STAB2: variants seen among roughly 807,000 people sequenced by gnomAD.
The protein encoded by STAB2 is stabilin 2, also known as stabilin-2.
A neutral mutation model predicts 338.1 loss-of-function variants in STAB2; 288 were observed. The observed-to-expected ratio is 0.85, with a 90% CI of 0.77 to 0.94. The LOEUF is 0.94. Among genes scored for constraint, STAB2 ranks in the 40% least tolerant of loss-of-function variants. The pLI is 0.00. For synonymous variants in STAB2, 1,202 were observed against 1,193.3 expected (o/e 1.01, Z -0.15); for missense variants, 3,141 against 3,210.1 (o/e 0.98, Z 0.52).
intron 1 of STAB2, 72 bp downstream of exon 1, chr12:103,587,629 CT>C: frequency 7.8e-7 from 1 of 1,277,782 alleles, no homozygotes; most frequent in Non-Finnish European, 1.1e-6. Context: ...TCGTTTTCCT[CT>C]GTTGTTATGG....
chr12:103,643,883 C>T (rs1278210357), intron 9 of STAB2, among the ~76,000 whole-genome samples: 3 of 140,510 alleles, frequency 2.1e-5, no homozygotes, highest in Non-Finnish European at 4.7e-5. Context: ...GTGAGGGGCG[C>T]CTCTGCCCGG....
intron 52 of STAB2, among the ~76,000 whole-genome samples, chr12:103,736,650 A>G (rs979948251): frequency 4.6e-5 from 7 of 152,160 alleles, no homozygotes; most frequent in East Asian, 1.9e-4. Flanking sequence ...TGATCTGTAT[A>G]ACAACCCTAT....
rs149704240 is a variant in STAB2 at position 103,731,904 on chromosome 12, C to A, written c.5283+269C>A. ...GAGAGGGAAAGAAATTGGAATGTGG[C>A]AGTAGTGTACTAGGTGCTTCACATC... is the stretch of plus-strand genomic sequence containing the variant. On this transcript the variant is annotated intron_variant, in intron 50 of 68. Transcript: ENST00000388887. 2.6e-5 allele frequency among the ~76,000 whole-genome samples: 4 copies of A among 152,208 alleles called. No homozygotes were observed. In the East Asian group the frequency reaches 5.8e-4, roughly 22 times the overall value.
intron 12 of STAB2, among the ~76,000 whole-genome samples, chr12:103,653,324 G>A (rs1483520463): frequency 6.6e-6 from 1 of 152,164 alleles, no homozygotes; most frequent in Admixed American, 6.5e-5. Flanking sequence ...TTGAGTGCTT[G>A]TTCTAAGCAA....
chr12:103,600,281 A>G (rs374202461), intron 3 of STAB2, among the ~76,000 whole-genome samples: 4 of 152,136 alleles, frequency 2.6e-5, no homozygotes, highest in African/African-American at 4.8e-5. Flanking sequence ...CTGCCTTTCT[A>G]TGGGTGGACC....
chr12:103,699,064 T>A (rs1482283747), intron 33 of STAB2, 32 bp from the exon 34 acceptor site: 2 of 1,588,696 alleles, frequency 1.3e-6, no homozygotes, highest in Non-Finnish European at 1.7e-6. Flanking sequence ...GGCTGATCTC[T>A]TGACTGACTT....
chr12:103,637,233 G>A lies in STAB2; in HGVS notation c.706G>A (p.Asp236Asn), dbSNP rs750987271. The change falls in exon 7 of 69, where the codon GAC (aspartate) becomes AAC (asparagine). Residue 236 changes from aspartate to asparagine, a missense_variant. Physicochemically the swap from Asp to Asn is conservative, Grantham distance 23 (BLOSUM62 1). Transcript: ENST00000388887. Reference protein sequence around the residue: ...PNYRGDGKYCDPINPCLRKIC... With the variant: ...PNYRGDGKYCNPINPCLRKIC... ...TTACCGAGGCGATGGCAAATACTGC[G>A]ACCGTGAGTAGAATTTAGATTCTGC... The A allele has an allele frequency of 6.2e-5, 100 of 1,609,394 alleles. No homozygotes were observed. Among genetic ancestry groups the A allele is most frequent in the Non-Finnish European group, 8.0e-5 (94 of 1,178,662 alleles).
At position 103,660,766 on chromosome 12, in the gene STAB2, A is replaced by T. The variant is rs1371804095; in HGVS notation, c.1869+3A>T. ...TACAGTTCAACACCACCGACAATGTAAGTGAAAACTCAACCACCACCAGCA... is the reference window on the plus strand; with the variant it reads ...TACAGTTCAACACCACCGACAATGTTAGTGAAAACTCAACCACCACCAGCA... On this transcript the variant is annotated splice_donor_region_variant and intron_variant, in intron 17 of 68. Coordinates refer to ENST00000388887, the MANE Select transcript of STAB2 (RefSeq NM_017564.10). 15 of 1,613,880 alleles carry T rather than the reference A, an allele frequency of 9.3e-6. No homozygotes were observed. Among genetic ancestry groups the T allele is most frequent in the Non-Finnish European group, 1.3e-5 (15 of 1,179,910 alleles).
rs375522471 is a variant in STAB2 at position 103,653,604 on chromosome 12, C to CTGGATGGATGGATGGATGGA, written c.1407+917_1408-914dup. Reference sequence around the variant, plus strand: ...GATGGATGGATACATGGATAGGTCACTGGATGGATGGATGGATGGATGGAT... The same window carrying CTGGATGGATGGATGGATGGA: ...GATGGATGGATACATGGATAGGTCACTGGATGGATGGATGGATGGATGGATGGATGGATGGATGGATGGAT... On this transcript the variant is annotated intron_variant, in intron 12 of 68. Transcript: ENST00000388887. 1.1e-4 allele frequency among the ~76,000 whole-genome samples: 13 copies of CTGGATGGATGGATGGATGGA among 123,650 alleles called. No homozygotes were observed. The South Asian group carries it at 1.3e-3, about 12-fold the overall frequency. 81.1% of individuals were successfully genotyped at this position (123,650 alleles called of 152,430 possible). A position where few individuals can be genotyped will look rare whatever the true frequency, so the allele number is the denominator to read the frequency against.
intron 37 of STAB2, among the ~76,000 whole-genome samples, chr12:103,706,447 C>T (rs910887878): frequency 2.6e-5 from 4 of 152,270 alleles, no homozygotes; most frequent in Middle Eastern, 3.4e-3. Flanking sequence ...GGGTTGGAGA[C>T]GGCCCCTTGG....
At position 103,763,601 on chromosome 12, in the gene STAB2, C is replaced by A. The variant is rs765996605; in HGVS notation, c.7598C>A (p.Pro2533His). 8 of 1,613,636 alleles carry A rather than the reference C, an allele frequency of 5.0e-6. No individual in the cohort carries two copies. The highest frequency in any genetic ancestry group is 1.6e-4 in the Middle Eastern group (1 of 6,062). The change falls in exon 68 of 69, where the codon CCC becomes CAC. Residue 2533 changes from proline (P) to histidine (H), a missense_variant. Coordinates refer to ENST00000388887, the MANE Select transcript of STAB2 (RefSeq NM_017564.10). ...GCTCCCCCAGAACCTTCCTACGACC[C>A]CTTCACGGTGAGTTTGCATTCTTAT... ...TSAPPEPSYDPFTDSEERQLE... is the reference protein window; with the variant it reads ...TSAPPEPSYDHFTDSEERQLE...
intron 47 of STAB2, 149 bp from the exon 48 acceptor site, chr12:103,728,700 A>G: frequency 1.1e-6 from 1 of 939,256 alleles, no homozygotes; most frequent in Non-Finnish European, 1.6e-6. Context: ...AACAGCCTCC[A>G]CTCTATAATC....
rs572679258 is a variant in STAB2, at chr12:103,607,779, T to G, written c.332-12689T>G. Reference sequence around the variant, plus strand: ...TATGTGCCACATTTTCTTAATCCAGTCTATCATTGATGGACATTTGGGTTG... The same window carrying G: ...TATGTGCCACATTTTCTTAATCCAGGCTATCATTGATGGACATTTGGGTTG... On this transcript the variant is annotated intron_variant, in intron 3 of 68. Coordinates refer to ENST00000388887, the MANE Select transcript of STAB2 (RefSeq NM_017564.10). Among the ~76,000 whole-genome samples, 3 of 152,326 alleles carry G rather than the reference T, an allele frequency of 2.0e-5. No individual in the cohort carries two copies. The East Asian group carries it at 5.8e-4, about 29-fold the overall frequency.
At chr12:103,713,149 A>G (rs1333798637) in intron 41 of STAB2, among the ~76,000 whole-genome samples, 1 of 152,234 alleles carries the variant, frequency 6.6e-6, no homozygotes, top group East Asian at 1.9e-4. Flanking sequence ...TCCCTCACTG[A>G]GTTGGACAAT....
chr12:103,597,780 C>CT (rs571175998), intron 3 of STAB2, among the ~76,000 whole-genome samples: 32 of 149,234 alleles, frequency 2.1e-4, no homozygotes, highest in Middle Eastern at 3.4e-3. Context: ...GAACATCTTA[C>CT]TTTTTTTTTT....
At chr12:103,736,496 C>T (rs1260128134) in intron 52 of STAB2, among the ~76,000 whole-genome samples, 3 of 152,188 alleles carry the variant, frequency 2.0e-5, no homozygotes, top group South Asian at 2.1e-4. Flanking sequence ...GCTTCTGGTA[C>T]GTTATCCCAG....
chr12:103,637,977 G>C, intron 7 of STAB2, 39 bp from the exon 8 acceptor site: 1 of 1,586,674 alleles, frequency 6.3e-7, no homozygotes, highest in Non-Finnish European at 8.6e-7. Context: ...CTCCATCCCC[G>C]TTAACTAACT....
At chr12:103,605,311 T>C (rs963928727) in intron 3 of STAB2, among the ~76,000 whole-genome samples, 2 of 149,492 alleles carry the variant, frequency 1.3e-5, no homozygotes, top group South Asian at 4.2e-4. Flanking sequence ...CCATTTAAAT[T>C]TATTGACTTG....
intron 6 of STAB2, among the ~76,000 whole-genome samples, chr12:103,636,147 T>C (rs1004874801): frequency 7.2e-5 from 11 of 151,752 alleles, no homozygotes; most frequent in African/African-American, 1.5e-4. Flanking sequence ...GCTGCACCCA[T>C]TAACTCGTCA....
Sources: gnomAD v4.1 joint callset for allele counts (sites outside exome capture counted in the v4.1 genomes callset) on GRCh38, gnomAD v4.1.1 for gene constraint, MANE v1.5 for transcripts, NCBI Gene and HGNC (gene_info 2026-07-23, HGNC 2026-07-21) for gene names.